COXFA4: variants seen among roughly 807,000 people sequenced by gnomAD.
COXFA4 encodes cytochrome c oxidase associated subunit FA4, also known as cytochrome c oxidase subunit FA4.
At chr7:10,937,896 T>G in the COXFA4 span, 1 of 592,052 alleles carries the variant, frequency 1.7e-6, no homozygotes. Flanking sequence ...TTTCTTATAC[T>G]AGCAATTAAA....
At chr7:10,932,761 A>G in the COXFA4 span, 454 of 152,356 alleles carry the variant, frequency 3.0e-3, 2 homozygotes, top group African/African-American at 0.01. Context: ...CTTGAGCTCA[A>G]GAGTTTGAGA....
chr7:10,933,684 T>A, the COXFA4 span: 1 of 1,608,040 alleles, frequency 6.2e-7, no homozygotes, highest in African/African-American at 1.3e-5. Flanking sequence ...CCACATTCAC[T>A]GAGTAGAACT....
chr7:10,938,642 G>A, the COXFA4 span: 1 of 587,960 alleles, frequency 1.7e-6, no homozygotes, highest in Non-Finnish European at 3.0e-6. Context: ...ATAATTTCAT[G>A]AACCAAAAAA....
At chr7:10,935,399 T>C in the COXFA4 span, among the ~76,000 whole-genome samples, 14 of 152,230 alleles carry the variant, frequency 9.2e-5, no homozygotes, top group Non-Finnish European at 8.8e-5. Flanking sequence ...TTGAGAAGTA[T>C]TGCTGGGCCT....
chr7:10,933,373 C>T, the COXFA4 span: 1 of 414,934 alleles, frequency 2.4e-6, no homozygotes. Flanking sequence ...TACAGAAATT[C>T]AAGAAATTCT....
the COXFA4 span, chr7:10,933,578 CG>C: frequency 2.9e-6 from 4 of 1,359,218 alleles, no homozygotes; most frequent in Non-Finnish European, 4.2e-6. Context: ...GAAAATTGTG[CG>C]GATGTGGCTT....
chr7:10,937,845 C>G, the COXFA4 span: 1 of 509,478 alleles, frequency 2.0e-6, no homozygotes. Flanking sequence ...TACCTAAGAA[C>G]TAAGAAAATG....
At chr7:10,932,433 C>T in the COXFA4 span, 2 of 152,174 alleles carry the variant, frequency 1.3e-5, no homozygotes, top group African/African-American at 4.8e-5. Flanking sequence ...TAATTCAACT[C>T]GTTTAACAAT....
the COXFA4 span, chr7:10,938,794 T>G: frequency 2.5e-6 from 4 of 1,606,624 alleles, no homozygotes; most frequent in Non-Finnish European, 2.6e-6. Flanking sequence ...TTTTAAACAT[T>G]TTTAAGTACT....
the COXFA4 span, chr7:10,939,930 T>A: frequency 6.8e-7 from 1 of 1,478,796 alleles, no homozygotes; most frequent in South Asian, 1.1e-5. Flanking sequence ...TGGCTGTAAA[T>A]GAGGACGTTC....
chr7:10,933,180 C>A, the COXFA4 span: 1 of 167,752 alleles, frequency 6.0e-6, no homozygotes, highest in African/African-American at 2.4e-5. Flanking sequence ...CACACTTCAA[C>A]AGCCAGTAAG....
At chr7:10,940,145 C>A in the COXFA4 span, 1 of 1,356,742 alleles carries the variant, frequency 7.4e-7, no homozygotes, top group East Asian at 2.3e-5. Context: ...TGAGACACTA[C>A]GGACTTCCAA....
chr7:10,937,350 C>G, the COXFA4 span, among the ~76,000 whole-genome samples: 1 of 151,642 alleles, frequency 6.6e-6, no homozygotes, highest in Non-Finnish European at 1.5e-5. Flanking sequence ...TGGCGTGATC[C>G]TGGCTCACTG....
At chr7:10,938,123 G>A in the COXFA4 span, 17 of 1,613,120 alleles carry the variant, frequency 1.1e-5, no homozygotes, top group African/African-American at 5.3e-5. Context: ...GTTTGTTCCA[G>A]GGCTCTGGGT....
At chr7:10,938,428 T>C in the COXFA4 span, 2 of 467,066 alleles carry the variant, frequency 4.3e-6, no homozygotes, top group South Asian at 3.0e-5. Context: ...GAAAAGTGCA[T>C]AGAATAATGA....
chr7:10,937,156 G>A, the COXFA4 span, among the ~76,000 whole-genome samples: 1 of 152,158 alleles, frequency 6.6e-6, no homozygotes, highest in African/African-American at 2.4e-5. Flanking sequence ...AAATCAAACA[G>A]CCAGTTACTC....
the COXFA4 span, chr7:10,940,058 G>A: frequency 6.2e-7 from 1 of 1,613,744 alleles, no homozygotes; most frequent in Non-Finnish European, 8.5e-7. Flanking sequence ...GGCGGAGCAT[G>A]TTTGCGGCAG....
the COXFA4 span, chr7:10,938,239 T>TAGAAAATAAGA: frequency 8.7e-7 from 1 of 1,143,500 alleles, no homozygotes; most frequent in Non-Finnish European, 1.3e-6. Flanking sequence ...ATCAATCTTA[T>TAGAAAATAAGA]TTTCTATTAG....
At chr7:10,938,937 T>TAA in the COXFA4 span, 1 of 1,467,080 alleles carries the variant, frequency 6.8e-7, no homozygotes. Flanking sequence ...TTCAAATACT[T>TAA]AAAACACTGG....
Sources: gnomAD v4.1 joint callset for allele counts (sites outside exome capture counted in the v4.1 genomes callset) on GRCh38, gnomAD v4.1.1 for gene constraint, MANE v1.5 for transcripts, NCBI Gene and HGNC (gene_info 2026-07-23, HGNC 2026-07-21) for gene names.